Variants in POU2AF2 observed in about 807,000 individuals in gnomAD.
POU2AF2 encodes POU domain class 2-associating factor 2.
At chr11:111,264,577 G>GA in the POU2AF2 span, among the ~76,000 whole-genome samples, 540 of 22,932 alleles carry the variant, frequency 0.024, 76 homozygotes, top group African/African-American at 0.036. Context: ...AGAAAGAAAG[G>GA]GAGAGAGAAA....
At chr11:111,285,685 T>C in the POU2AF2 span, 1 of 1,613,238 alleles carries the variant, frequency 6.2e-7, no homozygotes, top group Non-Finnish European at 8.5e-7. Context: ...TGCCTGACGG[T>C]CTCAGCCAGC....
the POU2AF2 span, among the ~76,000 whole-genome samples, chr11:111,270,671 C>T: frequency 6.6e-6 from 1 of 152,070 alleles, no homozygotes; most frequent in Non-Finnish European, 1.5e-5. Context: ...TGAGGAAGAC[C>T]TGCCAGCCGC....
At chr11:111,276,028 T>TTCTA in the POU2AF2 span, among the ~76,000 whole-genome samples, 1 of 151,858 alleles carries the variant, frequency 6.6e-6, no homozygotes, top group African/African-American at 2.4e-5. Context: ...ATAGTAAAAG[T>TTCTA]TCTAACATGT....
chr11:111,258,519 C>A, the POU2AF2 span, among the ~76,000 whole-genome samples: 10 of 152,194 alleles, frequency 6.6e-5, no homozygotes, highest in Admixed American at 6.5e-4. Flanking sequence ...ATCCAAATGG[C>A]GGACATACTT....
the POU2AF2 span, among the ~76,000 whole-genome samples, chr11:111,283,751 T>C: frequency 6.6e-6 from 1 of 152,228 alleles, no homozygotes; most frequent in Non-Finnish European, 1.5e-5. Flanking sequence ...GGTTAAAATA[T>C]GAATGCCAAG....
the POU2AF2 span, among the ~76,000 whole-genome samples, chr11:111,285,471 G>T: frequency 6.6e-6 from 1 of 152,190 alleles, no homozygotes; most frequent in South Asian, 2.1e-4. Context: ...TCTAGAGTAG[G>T]AAGGGAGGAA....
At chr11:111,275,289 G>A in the POU2AF2 span, among the ~76,000 whole-genome samples, 2 of 152,200 alleles carry the variant, frequency 1.3e-5, no homozygotes, top group Admixed American at 6.6e-5. Context: ...CTAGCAGAAA[G>A]TAAGGGAAAT....
At chr11:111,277,251 T>C in the POU2AF2 span, among the ~76,000 whole-genome samples, 1 of 152,216 alleles carries the variant, frequency 6.6e-6, no homozygotes, top group Admixed American at 6.5e-5. Context: ...CAAAATCACA[T>C]AGGAGACAAG....
the POU2AF2 span, among the ~76,000 whole-genome samples, chr11:111,247,035 A>G: frequency 6.6e-6 from 1 of 151,672 alleles, no homozygotes; most frequent in South Asian, 2.1e-4. Flanking sequence ...TTTTCCCTAG[A>G]TTCCACATTC....
chr11:111,248,968 C>A, the POU2AF2 span, among the ~76,000 whole-genome samples: 4 of 152,164 alleles, frequency 2.6e-5, no homozygotes, highest in African/African-American at 7.2e-5. Flanking sequence ...AGACTAAATT[C>A]TTCGTCATTA....
At chr11:111,265,725 G>A in the POU2AF2 span, among the ~76,000 whole-genome samples, 2 of 152,096 alleles carry the variant, frequency 1.3e-5, no homozygotes, top group African/African-American at 4.8e-5. Flanking sequence ...ATAGGCACTG[G>A]ATTATAGGGA....
chr11:111,273,755 T>C, the POU2AF2 span, among the ~76,000 whole-genome samples: 4 of 152,340 alleles, frequency 2.6e-5, no homozygotes, highest in South Asian at 2.1e-4. Flanking sequence ...CCTAATCTTA[T>C]CACTTTACTA....
chr11:111,285,529 G>T, the POU2AF2 span: 1 of 983,764 alleles, frequency 1.0e-6, no homozygotes. Flanking sequence ...CAGCCTGAGA[G>T]CCAGGCTTCA....
the POU2AF2 span, among the ~76,000 whole-genome samples, chr11:111,259,605 C>T: frequency 2.6e-5 from 4 of 152,086 alleles, no homozygotes; most frequent in African/African-American, 7.2e-5. Flanking sequence ...CGTGAGCCAC[C>T]GTGCCCAGCC....
the POU2AF2 span, among the ~76,000 whole-genome samples, chr11:111,264,577 G>GAGAGA: frequency 2.0e-3 from 45 of 22,954 alleles, 4 homozygotes; most frequent in African/African-American, 6.5e-3. Context: ...AGAAAGAAAG[G>GAGAGA]GAGAGAGAAA....
At chr11:111,276,285 A>G in the POU2AF2 span, among the ~76,000 whole-genome samples, 1 of 151,470 alleles carries the variant, frequency 6.6e-6, no homozygotes, top group Non-Finnish European at 1.5e-5. Context: ...GATTGTCACA[A>G]AGAATAACTG....
chr11:111,267,430 A>G, the POU2AF2 span, among the ~76,000 whole-genome samples: 1 of 152,076 alleles, frequency 6.6e-6, no homozygotes, highest in Non-Finnish European at 1.5e-5. Flanking sequence ...TCTGTTCTCT[A>G]GAGACCTCTG....
chr11:111,278,849 T>C, the POU2AF2 span, among the ~76,000 whole-genome samples: 1 of 152,212 alleles, frequency 6.6e-6, no homozygotes, highest in Non-Finnish European at 1.5e-5. Flanking sequence ...CAGCCAACTT[T>C]GTAATTGGTA....
the POU2AF2 span, among the ~76,000 whole-genome samples, chr11:111,275,603 A>T: frequency 6.6e-6 from 1 of 152,208 alleles, no homozygotes; most frequent in African/African-American, 2.4e-5. Flanking sequence ...TTCACAGATT[A>T]GGCCAACAAG....
Sources: allele counts gnomAD v4.1 joint callset (sites outside exome capture counted in the v4.1 genomes callset), GRCh38; gene constraint gnomAD v4.1.1; transcripts MANE v1.5; gene names NCBI Gene and HGNC (gene_info 2026-07-23, HGNC 2026-07-21).